VIT: variants seen among roughly 807,000 people sequenced by gnomAD.
The protein encoded by VIT is vitrin.
VIT carries 99 observed loss-of-function variants against 78.0 expected under a neutral mutation model. The ratio of observed to expected loss-of-function variants is 1.27; its 90% CI spans 1.08 to 1.50. The LOEUF (loss-of-function observed/expected upper bound fraction) is 1.50, where lower values mean the gene tolerates loss of function less well. Among genes scored for constraint, VIT ranks in the 40% most tolerant of loss-of-function variants. VIT has a pLI of 0.00. For synonymous variants in VIT, 374 were observed against 334.3 expected, an observed-to-expected ratio of 1.12 and a Z score of -1.29; for missense variants, 1,126 against 875.3, an observed-to-expected ratio of 1.29 and a Z score of -3.61.
At chr2:36,789,643 T>A (rs1665348082) in intron 12 of VIT, among the ~76,000 whole-genome samples, 1 of 152,174 alleles carries the variant, frequency 6.6e-6, no homozygotes, top group East Asian at 1.9e-4. Flanking sequence ...CAATCCCCGC[T>A]GTATGCATGA....
At chr2:36,700,360 A>G (rs1381411732) in intron 1 of VIT, among the ~76,000 whole-genome samples, 1 of 152,100 alleles carries the variant, frequency 6.6e-6, no homozygotes, top group East Asian at 1.9e-4. Flanking sequence ...CACACATAGC[A>G]TTTTGCAAGA....
intron 3 of VIT, among the ~76,000 whole-genome samples, chr2:36,733,349 C>T (rs369945980): frequency 5.9e-5 from 9 of 151,926 alleles, no homozygotes; most frequent in East Asian, 1.9e-4. Flanking sequence ...TCTCTCCCCC[C>T]CTCTCTCTCT....
intron 1 of VIT, among the ~76,000 whole-genome samples, chr2:36,707,944 ACTCT>A (rs771009373): frequency 6.6e-6 from 1 of 151,198 alleles, no homozygotes; most frequent in Non-Finnish European, 1.5e-5. Flanking sequence ...CCCCTCTGGC[ACTCT>A]CTCTCTCTTT....
rs565376665 is a variant in VIT at position 36,745,777 on chromosome 2, C to G, written c.275+2521C>G. 3.9e-5 allele frequency among the ~76,000 whole-genome samples: 6 copies of G among 152,176 alleles called. No individual in the cohort carries two copies. The East Asian group carries it at 1.2e-3, about 29-fold the overall frequency. On this transcript the variant is annotated intron_variant, in intron 4 of 15. Coordinates refer to ENST00000379242, the MANE Select transcript of VIT (RefSeq NM_053276.4). ...AGAGGGAGTTTGACTTCTTCCTTTCCTATTTAAATTCCTTTAATGTATTTC... is the reference window on the plus strand; with the variant it reads ...AGAGGGAGTTTGACTTCTTCCTTTCGTATTTAAATTCCTTTAATGTATTTC...
chr2:36,707,619 C>T (rs553090532), intron 1 of VIT, among the ~76,000 whole-genome samples: 2 of 152,282 alleles, frequency 1.3e-5, no homozygotes, highest in African/African-American at 4.8e-5. Context: ...GACCCGCTTC[C>T]TCTCAGTGGC....
chr2:36,812,369 G>A (rs777875148), intron 15 of VIT, among the ~76,000 whole-genome samples: 1 of 152,086 alleles, frequency 6.6e-6, no homozygotes, highest in Non-Finnish European at 1.5e-5. Flanking sequence ...CTGTTTCATG[G>A]CCATTTTGCT....
intron 13 of VIT, among the ~76,000 whole-genome samples, chr2:36,802,893 A>G (rs924668668): frequency 3.9e-5 from 6 of 152,232 alleles, no homozygotes; most frequent in Non-Finnish European, 5.9e-5. Flanking sequence ...TAAGAACTGA[A>G]GAAGCAGACT....
chr2:36,811,932 T>C (rs1185159595), intron 15 of VIT, among the ~76,000 whole-genome samples: 2 of 152,144 alleles, frequency 1.3e-5, no homozygotes, highest in Non-Finnish European at 2.9e-5. Flanking sequence ...CACCTCAGCC[T>C]CCCGAAGTGC....
In VIT at chr2:36,760,020, G is replaced by A. The variant is rs369856770; in HGVS notation, c.487+974G>A. Among the ~76,000 whole-genome samples the A allele has an allele frequency of 6.3e-4, 95 of 150,912 alleles. 1 individual carries two copies. The highest frequency in any genetic ancestry group is 2.1e-3 in the African/African-American group (88 of 41,032). The stretch of plus-strand genomic sequence containing the variant: ...TTTTTTTTTTTCTTTTTTTGAGACG[G>A]AGTTTCACTCTGTTGCCAGGCTGGA... On this transcript the variant is annotated intron_variant, in intron 6 of 15. Transcript: ENST00000379242.
chr2:36,768,989 G>A (rs1338047340), intron 7 of VIT, among the ~76,000 whole-genome samples: 1 of 152,148 alleles, frequency 6.6e-6, no homozygotes, highest in African/African-American at 2.4e-5. Context: ...AATTTTTGGT[G>A]TTCTGAAATA....
intron 6 of VIT, chr2:36,759,571 A>G (rs538783965): frequency 9.6e-7 from 1 of 1,047,084 alleles, no homozygotes; most frequent in Non-Finnish European, 1.2e-6. Flanking sequence ...CCAAGAAAAT[A>G]CCTTTTTCCA....
intron 2 of VIT, among the ~76,000 whole-genome samples, chr2:36,719,596 G>A (rs902638691): frequency 1.3e-4 from 20 of 152,044 alleles, no homozygotes; most frequent in East Asian, 1.2e-3. Context: ...AAACTACTTA[G>A]GAATAAATTT....
intron 3 of VIT, among the ~76,000 whole-genome samples, chr2:36,735,210 G>C (rs1255760173): frequency 1.3e-5 from 2 of 151,936 alleles, no homozygotes; most frequent in Non-Finnish European, 2.9e-5. Context: ...CTGGCATGGG[G>C]GTCTTACAAA....
chr2:36,769,387 C>T (rs1669618196), intron 7 of VIT, among the ~76,000 whole-genome samples: 1 of 152,208 alleles, frequency 6.6e-6, no homozygotes, highest in African/African-American at 2.4e-5. Context: ...GGCAAAGCTT[C>T]TTTATTCCTG....
chr2:36,717,366 G>GTGTC (rs1553362447), intron 2 of VIT, among the ~76,000 whole-genome samples: 1 of 138,050 alleles, frequency 7.2e-6, no homozygotes, highest in African/African-American at 2.7e-5. Context: ...GTGTGTGTGT[G>GTGTC]TGTGTGTGTG....
At chr2:36,744,481 A>G (rs1421830176) in intron 4 of VIT, among the ~76,000 whole-genome samples, 2 of 152,130 alleles carry the variant, frequency 1.3e-5, no homozygotes, top group African/African-American at 4.8e-5. Flanking sequence ...GCCCACCAAC[A>G]TCTATTATTT....
intron 3 of VIT, among the ~76,000 whole-genome samples, chr2:36,730,238 AGATCATACC>A: frequency 6.6e-6 from 1 of 152,010 alleles, no homozygotes; most frequent in African/African-American, 2.4e-5. Flanking sequence ...CAGTGAGCCC[AGATCATACC>A]ACTGAACTCC....
intron 3 of VIT, among the ~76,000 whole-genome samples, chr2:36,729,989 T>C (rs1667094322): frequency 6.6e-6 from 1 of 152,142 alleles, no homozygotes; most frequent in Non-Finnish European, 1.5e-5. Context: ...TCAGTTAAGA[T>C]TAGATGACAG....
At position 36,767,299 on chromosome 2, in the gene VIT, C is replaced by T. The variant is rs757464714; in HGVS notation, c.679+14C>T. The T allele has an allele frequency of 2.6e-6, 4 of 1,510,462 alleles. No individual in the cohort carries two copies. The highest frequency in any genetic ancestry group is 2.3e-5 in the Admixed American group (1 of 44,262). 93.6% of individuals were successfully genotyped at this position (1,510,462 alleles called of 1,614,324 possible). ...GCCAGGAGATGGGTCAGTAGGTAGACCATGTGTTGCTTTGTGCTAGGGAAA... is the reference window on the plus strand; with the variant it reads ...GCCAGGAGATGGGTCAGTAGGTAGATCATGTGTTGCTTTGTGCTAGGGAAA... On this transcript the variant is annotated intron_variant, in intron 7 of 15. Transcript: ENST00000379242.
Sources: allele counts gnomAD v4.1 joint callset (sites outside exome capture counted in the v4.1 genomes callset), GRCh38; gene constraint gnomAD v4.1.1; transcripts MANE v1.5; gene names NCBI Gene and HGNC (gene_info 2026-07-23, HGNC 2026-07-21).